The following EXD3 variants were observed in gnomAD, a reference collection of about 807,000 sequenced individuals.
EXD3 encodes the protein exonuclease mut-7 homolog.
In EXD3, 92 loss-of-function variants were observed where a neutral mutation model predicts 98.0. The observed-to-expected ratio is 0.94, with a 90% CI of 0.79 to 1.12. EXD3 has a LOEUF of 1.12. Among genes scored for constraint, EXD3 ranks in the 50% most tolerant of loss-of-function variants. The pLI is 0.00. For missense variants in EXD3, 1,222 were observed against 1,191.6 expected (o/e 1.03, Z -0.38); for synonymous variants, 569 against 526.0 (o/e 1.08, Z -1.12).
chr9:137,356,666 A>G (rs1834806507), intron 7 of EXD3, among the ~76,000 whole-genome samples: 1 of 152,168 alleles, frequency 6.6e-6, no homozygotes, highest in Non-Finnish European at 1.5e-5. Context: ...TCCCGAAATA[A>G]CAGTATTAGA....
At position 137,407,848 on chromosome 9, in the gene EXD3, G is replaced by T. The variant is rs952375700; in HGVS notation, c.-47-12444C>A. Among the ~76,000 whole-genome samples, 1 of 129,968 alleles carries T rather than the reference G, an allele frequency of 7.7e-6. No individual in the cohort carries two copies. Among genetic ancestry groups the T allele is most frequent in the African/African-American group, 2.7e-5 (1 of 36,414 alleles). The allele number at this position is 129,968 out of a possible 152,430, so 85.3% of individuals were successfully genotyped here. A position where few individuals can be genotyped will look rare whatever the true frequency, so the allele number is the denominator to read the frequency against. On this transcript the variant is annotated intron_variant, in intron 1 of 21. Transcript: ENST00000340951. This position sits in a 1 kb window ranked among gnomAD's most constrained non-coding sequence, Gnocchi z 4.4. ...CACGCGGGAGGCGGGAGGCGGGAGG[G>T]GCACAGCAAAGGGTCTGGGGGGAGG... is the stretch of plus-strand genomic sequence containing the variant.
chr9:137,311,237 A>G (rs1329486335), intron 19 of EXD3, among the ~76,000 whole-genome samples: 3 of 152,172 alleles, frequency 2.0e-5, no homozygotes, highest in African/African-American at 7.2e-5. Flanking sequence ...TCCTTGTGCC[A>G]TGATGGCAGG....
intron 17 of EXD3, among the ~76,000 whole-genome samples, chr9:137,327,645 A>T (rs1832508497): frequency 7.3e-6 from 1 of 136,874 alleles, no homozygotes. Context: ...CACCCATATG[A>T]TGAGTAAAAA....
intron 1 of EXD3, among the ~76,000 whole-genome samples, chr9:137,411,919 G>A (rs1191592830): frequency 6.6e-6 from 1 of 152,230 alleles, no homozygotes; most frequent in Non-Finnish European, 1.5e-5. Flanking sequence ...GTTTCCCTGA[G>A]GACCGGTGGG....
In EXD3 at chr9:137,324,088, A is replaced by G; in HGVS notation, c.2052+2T>C. ...CACTGAGCTTATCTTTGGGACACTC[A>G]CCTTGTGGAATGGCTGCCCCGACGT... is the stretch of plus-strand genomic sequence containing the variant. On this transcript the variant is annotated splice_donor_variant, in intron 18 of 21. Transcript: ENST00000340951. LOFTEE classifies it high-confidence loss of function. The surrounding 1 kb of genome is among the most constrained non-coding windows in gnomAD (Gnocchi z 4.1). 6.3e-7 allele frequency: 1 copy of G among 1,585,536 alleles called. No individual in the cohort carries two copies. Among genetic ancestry groups the G allele is most frequent in the Non-Finnish European group, 8.6e-7 (1 of 1,166,714 alleles).
intron 1 of EXD3, among the ~76,000 whole-genome samples, chr9:137,399,484 CA>C (rs1837382594): frequency 6.6e-6 from 1 of 152,228 alleles, no homozygotes; most frequent in African/African-American, 2.4e-5. Context: ...GCAACCCTCT[CA>C]CTGAAAGGTT....
At chr9:137,356,905 C>T (rs1036202309) in intron 7 of EXD3, among the ~76,000 whole-genome samples, 3 of 152,184 alleles carry the variant, frequency 2.0e-5, no homozygotes, top group Non-Finnish European at 2.9e-5. Flanking sequence ...TGGTCCACAC[C>T]CTCCGACCTC....
rs551728217 is a variant in EXD3, at chr9:137,315,225, C to T, written c.2185-5525G>A. 1.3e-3 allele frequency among the ~76,000 whole-genome samples: 191 copies of T among 152,348 alleles called. 2 individuals carry two copies. Among genetic ancestry groups the T allele is most frequent in the East Asian group, 9.6e-4 (5 of 5,188 alleles). On this transcript the variant is annotated intron_variant, in intron 19 of 21. Coordinates refer to ENST00000340951, the MANE Select transcript of EXD3 (RefSeq NM_017820.5). ...CACAGGTCACCCCAGACCAAGTTCC[C>T]GTGAGGGGCCTCAGCCTTTCCCTGG...
rs1188878998 is a variant in EXD3 at position 137,351,232 on chromosome 9, C to T, written c.1385-85G>A. 3.3e-6 allele frequency: 5 copies of T among 1,532,056 alleles called. No individual in the cohort carries two copies. In the African/African-American group the frequency reaches 5.5e-5, roughly 17 times the overall value. The allele number at this position is 1,532,056 out of a possible 1,614,324, so 94.9% of individuals were successfully genotyped here. The stretch of plus-strand genomic sequence containing the variant: ...ACCCCAGGGTGCACCCAGCACCCTC[C>T]CCGGGGCACACGGAGGGAAGGGTCA... On this transcript the variant is annotated intron_variant, in intron 13 of 21. Transcript: ENST00000340951.
chr9:137,340,627 A>G (rs1833601686), intron 17 of EXD3, among the ~76,000 whole-genome samples: 1 of 152,048 alleles, frequency 6.6e-6, no homozygotes, highest in Non-Finnish European at 1.5e-5. Context: ...TCATGGGTTC[A>G]AGTGATCATC....
chr9:137,351,922 T>C (rs1834327931), intron 12 of EXD3, 144 bp downstream of exon 12: 3 of 1,051,938 alleles, frequency 2.9e-6, no homozygotes, highest in Non-Finnish European at 4.0e-6. Flanking sequence ...GGGGAACGGC[T>C]GCCCTCACAG....
At chr9:137,357,529 C>G (rs1395668059) in intron 7 of EXD3, among the ~76,000 whole-genome samples, 1 of 151,996 alleles carries the variant, frequency 6.6e-6, no homozygotes, top group Non-Finnish European at 1.5e-5. Context: ...TGTCCTTCAT[C>G]CACCAAGTTC....
chr9:137,345,352 G>C (rs990208375), intron 17 of EXD3, among the ~76,000 whole-genome samples: 1 of 152,176 alleles, frequency 6.6e-6, no homozygotes, highest in African/African-American at 2.4e-5. Context: ...AGGAGTCTTA[G>C]TAGAAAACAC....
intron 1 of EXD3, among the ~76,000 whole-genome samples, chr9:137,400,377 G>C (rs1360289961): frequency 6.6e-6 from 1 of 152,196 alleles, no homozygotes; most frequent in Non-Finnish European, 1.5e-5. Context: ...AGTCTGATCT[G>C]AGACAAGGCA....
chr9:137,398,493 CGTCCCCATGACACATGTGCACCCAT>C (rs1180904490), intron 1 of EXD3, among the ~76,000 whole-genome samples: 21 of 152,156 alleles, frequency 1.4e-4, no homozygotes, highest in African/African-American at 4.6e-4. Context: ...TGTCTGAGAA[CGTCCCCATGACACATGTGCACCCAT>C]GTCCCCAAGA....
At chr9:137,402,016 C>T (rs1001898796) in intron 1 of EXD3, among the ~76,000 whole-genome samples, 3 of 152,092 alleles carry the variant, frequency 2.0e-5, no homozygotes, top group African/African-American at 7.2e-5. Context: ...AAACATAATT[C>T]TTTTTTAGTT....
At chr9:137,420,633 A>C (rs1838466953) in intron 1 of EXD3, among the ~76,000 whole-genome samples, 1 of 152,090 alleles carries the variant, frequency 6.6e-6, no homozygotes. Flanking sequence ...CCCTGTTTAC[A>C]TAGTTCCCTT....
At chr9:137,323,577 C>G (rs1326192085) in intron 19 of EXD3, 148 bp downstream of exon 19, 7 of 1,138,760 alleles carry the variant, frequency 6.1e-6, no homozygotes, top group Non-Finnish European at 8.6e-6. Flanking sequence ...GATGCTCTGC[C>G]GACACCTCAC....
chr9:137,392,731 C>CAGGCTGTTCCAGGGGGCACCG, intron 2 of EXD3: 2 of 345,008 alleles, frequency 5.8e-6, no homozygotes, highest in African/African-American at 2.4e-5. Context: ...CCAGGAGCAC[C>CAGGCTGTTCCAGGGGGCACCG]AGGCTGTTCC....
Sources: gnomAD v4.1 joint callset for allele counts (sites outside exome capture counted in the v4.1 genomes callset) on GRCh38, gnomAD v4.1.1 for gene constraint, Gnocchi (gnomAD v3.1) non-coding constraint, MANE v1.5 for transcripts, NCBI Gene and HGNC (gene_info 2026-07-23, HGNC 2026-07-21) for gene names.